Variants in MGAT5 observed in about 807,000 individuals in gnomAD.
The protein encoded by MGAT5 is alpha-1,6-mannosylglycoprotein 6-beta-N-acetylglucosaminyltransferase A.
Under a neutral mutation model 94.3 loss-of-function variants are expected in MGAT5, and 30 were observed. The ratio of observed to expected loss-of-function variants is 0.32; its 90% CI spans 0.24 to 0.43. The LOEUF (loss-of-function observed/expected upper bound fraction) is 0.43. Ranked by LOEUF, MGAT5 falls within the 20% of genes least tolerant of loss-of-function variation. The pLI is 1.00. For missense variants in MGAT5, 691 were observed against 905.5 expected, an observed-to-expected ratio of 0.76 and a Z score of 3.04; for synonymous variants, 310 against 322.9, an observed-to-expected ratio of 0.96 and a Z score of 0.43.
At chr2:134,145,890 C>T (rs541354108) in intron 1 of MGAT5, among the ~76,000 whole-genome samples, 11 of 152,238 alleles carry the variant, frequency 7.2e-5, no homozygotes, top group Non-Finnish European at 1.5e-4. Context: ...AATCTCTTCA[C>T]GCTCACTCTT....
intron 10 of MGAT5, among the ~76,000 whole-genome samples, chr2:134,400,737 T>C (rs1262781012): frequency 9.9e-5 from 15 of 152,160 alleles, no homozygotes; most frequent in Admixed American, 9.2e-4. Flanking sequence ...TCTTCACTAG[T>C]TGGCAACTGG....
intron 11 of MGAT5, among the ~76,000 whole-genome samples, chr2:134,412,606 G>A (rs1683734355): frequency 6.6e-6 from 1 of 152,032 alleles, no homozygotes; most frequent in Non-Finnish European, 1.5e-5. Context: ...GATACCCCTA[G>A]ACACTTAATT....
intron 4 of MGAT5, among the ~76,000 whole-genome samples, chr2:134,331,615 G>C (rs1314571792): frequency 2.0e-5 from 3 of 152,104 alleles, no homozygotes; most frequent in Non-Finnish European, 1.5e-5. Context: ...TGGCGTTGAC[G>C]GCAGGGGGTT....
intron 1 of MGAT5, among the ~76,000 whole-genome samples, chr2:134,185,408 T>C (rs777132754): frequency 2.6e-4 from 40 of 152,184 alleles, no homozygotes; most frequent in Admixed American, 4.6e-4. Context: ...GACGTTGAGC[T>C]GATTACTTTG....
intron 1 of MGAT5, among the ~76,000 whole-genome samples, chr2:134,159,188 CGTGTGTGTGTGTGTGT>C (rs138643972): frequency 2.8e-5 from 4 of 144,010 alleles, no homozygotes; most frequent in Non-Finnish European, 4.6e-5. Flanking sequence ...GGTCTAAATT[CGTGTGTGTGTGTGTGT>C]GTGTGTGTGT....
Position 134,403,030 on chromosome 2 carries a change from G to A in MGAT5, c.1423G>A (p.Val475Met). ...YLDIIHTYME[V>M]HATVYGSSTK... ...GGACATTATTCACACATACATGGAA[G>A]TGCATGCAACTGTTTATGGCTCCAG... Residue 475 changes from valine to methionine, a missense_variant, in exon 11 of 16, where the codon GTG becomes ATG. Val to Met is a conservative substitution (Grantham distance 21). Around this residue, in one of 4 missense-constraint regions of MGAT5, gnomAD observed 260 missense variants for 347.0 expected, o/e 0.75. Coordinates refer to ENST00000281923, the MANE Select transcript of MGAT5 (RefSeq NM_002410.5). The A allele has an allele frequency of 6.2e-7, 1 of 1,611,012 alleles. No individual in the cohort carries two copies. The highest frequency in any genetic ancestry group is 8.5e-7 in the Non-Finnish European group (1 of 1,179,368).
intron 1 of MGAT5, among the ~76,000 whole-genome samples, chr2:134,241,014 T>C (rs929440239): frequency 1.3e-5 from 2 of 152,212 alleles, no homozygotes; most frequent in African/African-American, 2.4e-5. Context: ...CAGAAGAAGC[T>C]AGACAAAAAT....
rs192542288 is a variant in MGAT5 at position 134,292,755 on chromosome 2, G to A, written c.406+22205G>A. Among the ~76,000 whole-genome samples the A allele has an allele frequency of 3.1e-4, 47 of 152,256 alleles. No homozygotes were observed. In the East Asian group the frequency reaches 8.3e-3, roughly 27 times the overall value. Reference sequence around the variant, plus strand: ...GGGCCACACCTGGTGTTAACACTCCGAGCAAGGGGTAGCTCTTGTAACCAG... The same window carrying A: ...GGGCCACACCTGGTGTTAACACTCCAAGCAAGGGGTAGCTCTTGTAACCAG... On this transcript the variant is annotated intron_variant, in intron 2 of 15. Coordinates refer to ENST00000281923, the MANE Select transcript of MGAT5 (RefSeq NM_002410.5).
At chr2:134,209,152 A>ATTTTTTTTTTTTTTTTTTTTTTTTTTT (rs869116395) in intron 1 of MGAT5, among the ~76,000 whole-genome samples, 1 of 20,780 alleles carries the variant, frequency 4.8e-5, no homozygotes, top group Non-Finnish European at 6.4e-5. Context: ...TTTTTTTTTT[A>ATTTTTTTTTTTTTTTTTTTTTTTTTTT]TTTTTTTTTT....
chr2:134,241,572 C>T (rs560282993), intron 1 of MGAT5, among the ~76,000 whole-genome samples: 9 of 152,164 alleles, frequency 5.9e-5, no homozygotes, highest in Non-Finnish European at 1.0e-4. Flanking sequence ...CTGTGTATTA[C>T]AGGTTAAATG....
At chr2:134,199,382 G>A (rs1679659111) in intron 1 of MGAT5, among the ~76,000 whole-genome samples, 1 of 152,084 alleles carries the variant, frequency 6.6e-6, no homozygotes, top group Non-Finnish European at 1.5e-5. Flanking sequence ...GCAAGCTTTG[G>A]GACCAGCTGT....
At chr2:134,380,627 C>A (rs1573966421) in intron 10 of MGAT5, among the ~76,000 whole-genome samples, 1 of 152,200 alleles carries the variant, frequency 6.6e-6, no homozygotes, top group African/African-American at 2.4e-5. Flanking sequence ...AGTATAAATA[C>A]TGATACCATG....
chr2:134,363,177 A>C (rs1680210533), intron 10 of MGAT5, among the ~76,000 whole-genome samples: 1 of 152,198 alleles, frequency 6.6e-6, no homozygotes, highest in African/African-American at 2.4e-5. Flanking sequence ...GGATCTCACA[A>C]CATGCCTCTT....
At chr2:134,214,978 C>T (rs1045273437) in intron 1 of MGAT5, among the ~76,000 whole-genome samples, 1 of 152,128 alleles carries the variant, frequency 6.6e-6, no homozygotes, top group Non-Finnish European at 1.5e-5. Context: ...CTCTACAATC[C>T]CCACGCCTCA....
chr2:134,348,803 A>C (rs1229749974), intron 8 of MGAT5, among the ~76,000 whole-genome samples: 2 of 152,228 alleles, frequency 1.3e-5, no homozygotes, highest in Non-Finnish European at 2.9e-5. Flanking sequence ...CAGTGATGAA[A>C]TATTATCAAA....
chr2:134,420,086 AC>A (rs1432904719), intron 12 of MGAT5, among the ~76,000 whole-genome samples: 1 of 152,136 alleles, frequency 6.6e-6, no homozygotes, highest in African/African-American at 2.4e-5. Flanking sequence ...TAAAATTGTC[AC>A]CTTCCTTTTT....
intron 10 of MGAT5, among the ~76,000 whole-genome samples, chr2:134,381,374 A>AGATAGAT (rs60788131): frequency 7.1e-4 from 43 of 60,728 alleles, no homozygotes; most frequent in South Asian, 1.8e-3. Context: ...TAGATAAGAT[A>AGATAGAT]AGATAGATTA....
At chr2:134,189,602 G>GTTTTTTTTGTTTTTTTTTTTT (rs1553490383) in intron 1 of MGAT5, among the ~76,000 whole-genome samples, 1 of 84,672 alleles carries the variant, frequency 1.2e-5, no homozygotes, top group Non-Finnish European at 2.3e-5. Context: ...GTTTTTTTTT[G>GTTTTTTTTGTTTTTTTTTTTT]TTTTTTTTTT....
chr2:134,275,644 C>A (rs1429092078), intron 2 of MGAT5, among the ~76,000 whole-genome samples: 1 of 138,816 alleles, frequency 7.2e-6, no homozygotes, highest in African/African-American at 2.8e-5. Flanking sequence ...AATGCAGTGG[C>A]ACTATCACAG....
Sources: allele counts gnomAD v4.1 joint callset (sites outside exome capture counted in the v4.1 genomes callset), GRCh38; gene constraint gnomAD v4.1.1; regional missense constraint gnomAD v4.1.1; transcripts MANE v1.5; gene names NCBI Gene and HGNC (gene_info 2026-07-23, HGNC 2026-07-21).